The following EYA2 variants were observed in gnomAD, a reference collection of about 807,000 sequenced individuals.
EYA2 encodes the protein EYA transcriptional coactivator and phosphatase 2.
In EYA2, 31 loss-of-function variants were observed where a neutral mutation model predicts 69.2. The observed-to-expected ratio is 0.45, with a 90% CI of 0.34 to 0.60. The LOEUF is 0.60. Ranked by LOEUF, EYA2 falls within the 20% of genes least tolerant of loss-of-function variation. The pLI is 0.02. For missense variants in EYA2, 622 were observed against 701.2 expected (o/e 0.89, Z 1.28); for synonymous variants, 257 against 279.4 (o/e 0.92, Z 0.80).
intron 2 of EYA2, among the ~76,000 whole-genome samples, chr20:46,992,714 AG>A (rs34620434): frequency 6.6e-6 from 1 of 152,148 alleles, no homozygotes. Context: ...GCCATGGTGA[AG>A]GCTTTGAGGG....
At chr20:47,135,850 C>CCAACCA (rs2033459991) in intron 9 of EYA2, among the ~76,000 whole-genome samples, 1 of 61,232 alleles carries the variant, frequency 1.6e-5, no homozygotes, top group Non-Finnish European at 2.8e-5. Flanking sequence ...AACAAACAAA[C>CCAACCA]AAACAAAAAA....
intron 4 of EYA2, among the ~76,000 whole-genome samples, chr20:47,014,628 ATGTG>A (rs56005987): frequency 0.033 from 4,784 of 144,658 alleles, 175 homozygotes; most frequent in African/African-American, 0.093. Context: ...TGTGCACAAA[ATGTG>A]TGTGTGTGTG....
chr20:47,172,822 C>G lies in EYA2; in HGVS notation c.1153C>G (p.Arg385Gly). The G allele has an allele frequency of 6.2e-7, 1 of 1,614,046 alleles. No individual in the cohort carries two copies. Among genetic ancestry groups the G allele is most frequent in the South Asian group, 1.1e-5 (1 of 91,058 alleles). Residue 385 changes from arginine (R) to glycine (G), a missense_variant, in exon 12 of 16, where the codon CGG (arginine) becomes GGG (glycine). Transcript: ENST00000327619. ...GATGAGGAAGCTGGCCTTCCGCTAC[C>G]GGCGGGTGAAGGAGATGTACAATAC... ...DWMRKLAFRY[R>G]RVKEMYNTYK...
At chr20:47,008,985 C>T (rs879515093) in intron 4 of EYA2, among the ~76,000 whole-genome samples, 1 of 152,198 alleles carries the variant, frequency 6.6e-6, no homozygotes, top group African/African-American at 2.4e-5. Context: ...GCCATTGTGG[C>T]GTGAAAGTAG....
At chr20:47,096,147 G>T (rs955155671) in intron 8 of EYA2, 2 of 152,276 alleles carry the variant, frequency 1.3e-5, no homozygotes, top group Non-Finnish European at 1.5e-5. Context: ...AATTATGATG[G>T]AGTACAAGTA....
chr20:46,999,352 C>T (rs1982217428), intron 2 of EYA2, among the ~76,000 whole-genome samples: 2 of 152,140 alleles, frequency 1.3e-5, no homozygotes, highest in African/African-American at 4.8e-5. Flanking sequence ...GTACAGGACA[C>T]CCCGCCTAGG....
chr20:46,988,643 A>G (rs115641967), intron 1 of EYA2, among the ~76,000 whole-genome samples: 1,954 of 152,352 alleles, frequency 0.013, 38 homozygotes, highest in African/African-American at 0.044. Context: ...TTGCTACGCC[A>G]TGTACAGTGG....
chr20:46,908,783 C>T (rs1464744473), intron 1 of EYA2, among the ~76,000 whole-genome samples: 1 of 150,718 alleles, frequency 6.6e-6, no homozygotes, highest in Non-Finnish European at 1.5e-5. Context: ...TACCTCCAGG[C>T]TCATAGTGTA....
intron 1 of EYA2, among the ~76,000 whole-genome samples, chr20:46,982,448 G>T (rs1404463750): frequency 2.0e-5 from 3 of 152,154 alleles, no homozygotes; most frequent in Admixed American, 1.3e-4. Context: ...TTATCTTTGG[G>T]ATTCACAGAA....
At chr20:46,986,461 T>TATAA (rs1284607322) in intron 1 of EYA2, among the ~76,000 whole-genome samples, 1 of 148,244 alleles carries the variant, frequency 6.7e-6, no homozygotes, top group Non-Finnish European at 1.5e-5. Flanking sequence ...TATATATACA[T>TATAA]TAGATATATA....
intron 9 of EYA2, among the ~76,000 whole-genome samples, chr20:47,125,077 A>G (rs1325922837): frequency 7.8e-6 from 1 of 129,004 alleles, no homozygotes; most frequent in Non-Finnish European, 1.6e-5. Flanking sequence ...TTTTTGAGAC[A>G]GAGTCTTGCT....
chr20:47,093,568 C>T (rs1448743196), intron 8 of EYA2, among the ~76,000 whole-genome samples: 1 of 152,250 alleles, frequency 6.6e-6, no homozygotes, highest in African/African-American at 2.4e-5. Context: ...CTTCCCCTCT[C>T]TGGGCACCAG....
At chr20:47,134,293 G>C (rs1253763023) in intron 9 of EYA2, among the ~76,000 whole-genome samples, 1 of 152,216 alleles carries the variant, frequency 6.6e-6, no homozygotes, top group African/African-American at 2.4e-5. Context: ...CATGACAGGG[G>C]TGGTGGCCTA....
chr20:46,944,665 T>C (rs1978350576), intron 1 of EYA2, among the ~76,000 whole-genome samples: 1 of 152,120 alleles, frequency 6.6e-6, no homozygotes, highest in African/African-American at 2.4e-5. Context: ...ATAATTCCTG[T>C]TTTGAAAATG....
At chr20:47,180,746 C>A in intron 13 of EYA2, 69 bp from the exon 14 acceptor site, 1 of 1,577,614 alleles carries the variant, frequency 6.3e-7, no homozygotes, top group Non-Finnish European at 8.6e-7. Context: ...ACTGCAGGCT[C>A]ATGCAGCAAG....
intron 7 of EYA2, among the ~76,000 whole-genome samples, chr20:47,088,101 G>A (rs1397128095): frequency 6.6e-6 from 1 of 152,196 alleles, no homozygotes; most frequent in Non-Finnish European, 1.5e-5. Flanking sequence ...CGGGCATGGT[G>A]GTGGGTGCCT....
intron 9 of EYA2, among the ~76,000 whole-genome samples, chr20:47,109,735 C>G (rs1215729329): frequency 6.6e-6 from 1 of 152,176 alleles, no homozygotes; most frequent in Non-Finnish European, 1.5e-5. Flanking sequence ...CTCTATCACT[C>G]TAACACAATA....
chr20:47,160,585 G>A (rs2034044765), intron 10 of EYA2, among the ~76,000 whole-genome samples: 2 of 152,128 alleles, frequency 1.3e-5, no homozygotes, highest in Admixed American at 1.3e-4. Flanking sequence ...TGGATGGGTG[G>A]CAGGATGTCA....
chr20:46,953,807 A>G (rs1978950696), intron 1 of EYA2, among the ~76,000 whole-genome samples: 1 of 152,132 alleles, frequency 6.6e-6, no homozygotes, highest in African/African-American at 2.4e-5. Flanking sequence ...GTGGTTTCCA[A>G]CTTTCCTTGA....
Sources: gnomAD v4.1 joint callset for allele counts (sites outside exome capture counted in the v4.1 genomes callset) on GRCh38, gnomAD v4.1.1 for gene constraint, MANE v1.5 for transcripts, NCBI Gene and HGNC (gene_info 2026-07-23, HGNC 2026-07-21) for gene names.